Variants in IZUMO4 observed in about 807,000 individuals in gnomAD.
The protein encoded by IZUMO4 is IZUMO family member 4, also known as izumo sperm-egg fusion protein 4.
A neutral mutation model predicts 37.1 loss-of-function variants in IZUMO4; 51 were observed. The ratio of observed to expected loss-of-function variants is 1.38; its 90% confidence interval spans 1.10 to 1.74. IZUMO4 has a LOEUF of 1.74. Ranked by LOEUF, IZUMO4 falls within the 40% of genes most tolerant of loss-of-function variation. The pLI is 0.00. For synonymous variants in IZUMO4, 162 were observed against 121.4 expected, an observed-to-expected ratio of 1.33 and a Z score of -2.20; for missense variants, 364 against 299.6, an observed-to-expected ratio of 1.21 and a Z score of -1.59.
chr19:2,099,108 CTG>C, intron 9 of IZUMO4, 79 bp downstream of exon 9: 1 of 1,440,594 alleles, frequency 6.9e-7, no homozygotes, highest in Non-Finnish European at 9.8e-7. Context: ...CCTGCACACC[CTG>C]CTGACATCCC....
chr19:2,099,193 C>T (rs1023720363), intron 9 of IZUMO4, 62 bp from the exon 10 acceptor site: 70 of 1,514,496 alleles, frequency 4.6e-5, no homozygotes, highest in East Asian at 2.5e-4. Flanking sequence ...GCCTGGGGCC[C>T]CCAGGGAGGG....
At position 2,098,979 on chromosome 19, in the gene IZUMO4, A is replaced by G; in HGVS notation, c.558A>G (p.Pro186=). The G allele has an allele frequency of 6.2e-7, 1 of 1,613,100 alleles. No homozygotes were observed. The highest frequency in any genetic ancestry group is 1.1e-5 in the South Asian group (1 of 91,092). ...NWHKQDTSMR[P]RSSAFSWPGT... ...CATGTGGTGGTTTCATGAACAGACC[A>G]CGCTCCTCTGCCTTCTCCTGGCCTG... The change falls in exon 9 of 10, where the codon CCA becomes CCG. Residue 186 remains proline, a synonymous_variant. Coordinates refer to ENST00000395301, the MANE Select transcript of IZUMO4 (RefSeq NM_001039846.2).
At position 2,099,019 on chromosome 19, in the gene IZUMO4, A is replaced by T; in HGVS notation, c.598A>T (p.Thr200Ser). ...AFSWPGTHRA[T>S]PAFLVSPALR... Reference sequence around the variant, plus strand: ...CTCCTGGCCTGGGACACACAGAGCCACCCCGGCCTTGTGAGTGACCCAGAG... The same window carrying T: ...CTCCTGGCCTGGGACACACAGAGCCTCCCCGGCCTTGTGAGTGACCCAGAG... The change falls in exon 9 of 10, where the codon ACC (threonine) becomes TCC (serine). Residue 200 changes from threonine (T) to serine (S), a missense_variant. Coordinates refer to ENST00000395301, the MANE Select transcript of IZUMO4 (RefSeq NM_001039846.2). 6.2e-7 allele frequency: 1 copy of T among 1,612,968 alleles called. No individual in the cohort carries two copies. Among genetic ancestry groups the T allele is most frequent in the Non-Finnish European group, 8.5e-7 (1 of 1,179,912 alleles).
intron 7 of IZUMO4, 49 bp downstream of exon 7, chr19:2,098,499 CT>C (rs2017790294): frequency 6.2e-7 from 1 of 1,613,052 alleles, no homozygotes; most frequent in Non-Finnish European, 8.5e-7. Flanking sequence ...ATGTGAGCAC[CT>C]CGTGGGTGAG....
At chr19:2,099,118 C>T (rs1423984805) in intron 9 of IZUMO4, 89 bp downstream of exon 9, 7 of 1,402,740 alleles carry the variant, frequency 5.0e-6, no homozygotes, top group South Asian at 4.6e-5. Context: ...CTGCTGACAT[C>T]CCAGGCACGA....
rs2017836190 is a variant in IZUMO4, at chr19:2,099,201, G to C, written c.609-54G>C. Reference sequence around the variant, plus strand: ...AGGAGAGGCCTGGGGCCCCCAGGGAGGGAGGCAGGGGGTGGGGGACATGGA... The same window carrying C: ...AGGAGAGGCCTGGGGCCCCCAGGGACGGAGGCAGGGGGTGGGGGACATGGA... On this transcript the variant is annotated intron_variant, in intron 9 of 9. Transcript: ENST00000395301. 9 of 1,520,872 alleles carry C rather than the reference G, an allele frequency of 5.9e-6. No individual in the cohort carries two copies. The South Asian group carries it at 7.9e-5, about 13-fold the overall frequency. 94.2% of individuals were successfully genotyped at this position (1,520,872 alleles called of 1,614,324 possible). A position where few individuals can be genotyped will look rare whatever the true frequency, so the allele number is the denominator to read the frequency against.
chr19:2,098,852 G>C, intron 8 of IZUMO4, 48 bp downstream of exon 8: 1 of 1,564,944 alleles, frequency 6.4e-7, no homozygotes, highest in Non-Finnish European at 8.7e-7. Flanking sequence ...TAAAGGGAGA[G>C]AGGAGGGGGG....
intron 7 of IZUMO4, 33 bp downstream of exon 7, chr19:2,098,483 G>A (rs770088748): frequency 6.2e-7 from 1 of 1,613,694 alleles, no homozygotes; most frequent in African/African-American, 1.3e-5. Flanking sequence ...CACAGGCAGT[G>A]TGTGTATGTG....
rs2017858935 is a variant in IZUMO4 at position 2,099,511 on chromosome 19, G to A, written c.*166G>A. ...AGGGCGGGAGGGAGGGAATGGGGGT[G>A]GGCTGTGCGCAGCATCAGCGCCTGG... On this transcript the variant is annotated 3_prime_UTR_variant, in exon 10 of 10. Transcript: ENST00000395301. 5 of 604,746 alleles carry A rather than the reference G, an allele frequency of 8.3e-6. No individual in the cohort carries two copies. The highest frequency in any genetic ancestry group is 5.4e-5 in the Admixed American group (2 of 36,874). 37.5% of individuals were successfully genotyped at this position (604,746 alleles called of 1,614,324 possible). A position where few individuals can be genotyped will look rare whatever the true frequency, so the allele number is the denominator to read the frequency against.
chr19:2,097,449 C>T lies in IZUMO4; in HGVS notation c.324C>T (p.Asn108=). 1.2e-6 allele frequency: 2 copies of T among 1,604,574 alleles called. No individual in the cohort carries two copies. Among genetic ancestry groups the T allele is most frequent in the South Asian group, 1.1e-5 (1 of 90,832 alleles). The change falls in exon 3 of 10, where the codon AAC becomes AAT. Residue 108 remains asparagine, a synonymous_variant. Transcript: ENST00000395301. The part of the protein sequence containing the change: ...FPGYFPNELR[N]IFREQVHLIQ... Reference sequence around the variant, plus strand: ...GGTATTTCCCCAACGAGCTGCGAAACATCTTCCGGGAGCAGGTGCACCTCA... The same window carrying T: ...GGTATTTCCCCAACGAGCTGCGAAATATCTTCCGGGAGCAGGTGCACCTCA...
At chr19:2,098,558 G>A (rs959081456) in intron 7 of IZUMO4, 108 bp downstream of exon 7, 40 of 1,606,546 alleles carry the variant, frequency 2.5e-5, no homozygotes, top group Admixed American at 5.0e-5. Context: ...GTCCTAGAGG[G>A]GCTCCCGAGG....
chr19:2,098,342 G>A lies in IZUMO4; in HGVS notation c.521+8G>A, dbSNP rs749106390. On this transcript the variant is annotated splice_region_variant and intron_variant, in intron 6 of 9. Coordinates refer to ENST00000395301, the MANE Select transcript of IZUMO4 (RefSeq NM_001039846.2). Reference sequence around the variant, plus strand: ...GGGCCTCCTGAACTACATGTGAGTGGGGTCTTTGGGTGGCAGCAAGCTCAC... The same window carrying A: ...GGGCCTCCTGAACTACATGTGAGTGAGGTCTTTGGGTGGCAGCAAGCTCAC... The A allele has an allele frequency of 1.9e-6, 3 of 1,614,038 alleles. No individual in the cohort carries two copies. The highest frequency in any genetic ancestry group is 1.1e-5 in the South Asian group (1 of 91,092).
At chr19:2,098,405 C>T in intron 6 of IZUMO4, 31 bp from the exon 7 acceptor site, 2 of 1,613,980 alleles carry the variant, frequency 1.2e-6, no homozygotes, top group South Asian at 1.1e-5. Flanking sequence ...GGCCACTCGG[C>T]CTCCTGAGTC....
In IZUMO4 at chr19:2,099,430, G is replaced by A. The variant is rs2017853376; in HGVS notation, c.*85G>A. On this transcript the variant is annotated 3_prime_UTR_variant, in exon 10 of 10. Coordinates refer to ENST00000395301, the MANE Select transcript of IZUMO4 (RefSeq NM_001039846.2). The stretch of plus-strand genomic sequence containing the variant: ...CCTGTCACTCTGGAGCTGGGCTGCT[G>A]CTGCCTCAGGACCCCCTCTCCGACC... The A allele has an allele frequency of 3.0e-6, 3 of 1,003,172 alleles. No homozygotes were observed. Among genetic ancestry groups the A allele is most frequent in the African/African-American group, 3.2e-5 (2 of 62,082 alleles). 62.1% of individuals were successfully genotyped at this position (1,003,172 alleles called of 1,614,324 possible).
At position 2,097,809 on chromosome 19, in the gene IZUMO4, C is replaced by A; in HGVS notation, c.371-120C>A. ...GGCCATGGACACACATACATGAAAA[C>A]CAGGTGAGCCTGGGCCCCAGTGCCG... is the stretch of plus-strand genomic sequence containing the variant. On this transcript the variant is annotated intron_variant, in intron 3 of 9. Coordinates refer to ENST00000395301, the MANE Select transcript of IZUMO4 (RefSeq NM_001039846.2). 4 of 1,286,864 alleles carry A rather than the reference C, an allele frequency of 3.1e-6. No individual in the cohort carries two copies. In the South Asian group the frequency reaches 3.9e-5, roughly 12 times the overall value. The allele number at this position is 1,286,864 out of a possible 1,614,324, so 79.7% of individuals were successfully genotyped here. A position where few individuals can be genotyped will look rare whatever the true frequency, so the allele number is the denominator to read the frequency against.
Position 2,098,470 on chromosome 19 carries a change from C to T in IZUMO4, c.536+20C>T, listed in dbSNP as rs2017788328. ...GCACAAGTAAGTCCCCTCCTCAAAC[C>T]AACACAGGCAGTGTGTGTATGTGAG... On this transcript the variant is annotated intron_variant, in intron 7 of 9. Coordinates refer to ENST00000395301, the MANE Select transcript of IZUMO4 (RefSeq NM_001039846.2). The T allele has an allele frequency of 6.2e-7, 1 of 1,613,810 alleles. No individual in the cohort carries two copies. Among genetic ancestry groups the T allele is most frequent in the Non-Finnish European group, 8.5e-7 (1 of 1,179,992 alleles).
chr19:2,098,704 T>C, intron 7 of IZUMO4, 83 bp from the exon 8 acceptor site: 2 of 1,582,348 alleles, frequency 1.3e-6, no homozygotes, highest in Non-Finnish European at 1.7e-6. Context: ...CCATCCCAGG[T>C]CTGTGGTCAG....
chr19:2,097,313 G>A lies in IZUMO4; in HGVS notation c.279G>A (p.Gln93=). 6.2e-7 allele frequency: 1 copy of A among 1,612,770 alleles called. No homozygotes were observed. The highest frequency in any genetic ancestry group is 1.1e-5 in the South Asian group (1 of 91,082). Residue 93 remains glutamine (Q), a synonymous_variant, in exon 2 of 10, where the codon CAG becomes CAA. Coordinates refer to ENST00000395301, the MANE Select transcript of IZUMO4 (RefSeq NM_001039846.2). ...AVYQMMDQLY[Q]GKMYFPGYFP... Reference sequence around the variant, plus strand: ...ACCAGATGATGGATCAGCTGTACCAGGGGAAGATGTACTTCCCCGGTAAGG... The same window carrying A: ...ACCAGATGATGGATCAGCTGTACCAAGGGAAGATGTACTTCCCCGGTAAGG...
At chr19:2,097,990 C>CGGTGGCA (rs772528361) in intron 4 of IZUMO4, 35 bp downstream of exon 4, 41 of 1,613,140 alleles carry the variant, frequency 2.5e-5, no homozygotes, top group Non-Finnish European at 2.3e-5. Flanking sequence ...AGGGGCGTGC[C>CGGTGGCA]GGTGGCAGCT....
Sources: allele counts gnomAD v4.1 joint callset, GRCh38; gene constraint gnomAD v4.1.1; transcripts MANE v1.5; gene names NCBI Gene and HGNC (gene_info 2026-07-23, HGNC 2026-07-21).